Variants in SNX24 observed in about 807,000 individuals in gnomAD.
SNX24 encodes the protein sorting nexin-24.
SNX24 carries 22 observed loss-of-function variants against 28.7 expected under a neutral mutation model. The observed-to-expected ratio is 0.77, with a 90% CI of 0.55 to 1.10. The LOEUF (loss-of-function observed/expected upper bound fraction) is 1.10. Ranked by LOEUF, SNX24 falls within the 50% of genes least tolerant of loss-of-function variation. The pLI, the probability that SNX24 is intolerant of heterozygous loss-of-function variation, is 0.00. For synonymous variants in SNX24, 69 were observed against 71.5 expected (o/e 0.96, Z 0.18); for missense variants, 221 against 201.1 (o/e 1.10, Z -0.60).
intron 1 of SNX24, among the ~76,000 whole-genome samples, chr5:122,898,856 A>T (rs1352149816): frequency 6.6e-6 from 1 of 152,200 alleles, no homozygotes; most frequent in East Asian, 1.9e-4. Context: ...ATGGCTTCTT[A>T]TTCCTAAGCC....
rs188790685 is a variant in SNX24, at chr5:122,872,194, A to C, written c.60+26501A>C. Among the ~76,000 whole-genome samples, 48 of 151,556 alleles carry C rather than the reference A, an allele frequency of 3.2e-4. No homozygotes were observed. The East Asian group carries it at 7.3e-3, about 23-fold the overall frequency. ...CACTGCTTTAAGTTTTTATAAAAGC[A>C]GTATATCAAAAGATCCCTGCAGCGC... is the stretch of plus-strand genomic sequence containing the variant. On this transcript the variant is annotated intron_variant, in intron 1 of 6. Transcript: ENST00000261369.
chr5:122,862,440 C>A (rs1213287153), intron 1 of SNX24, among the ~76,000 whole-genome samples: 1 of 151,708 alleles, frequency 6.6e-6, no homozygotes, highest in African/African-American at 2.4e-5. Context: ...AAGGTGAAAC[C>A]CCGTCTCTCC....
At chr5:122,993,617 A>T (rs1171031585) in intron 3 of SNX24, among the ~76,000 whole-genome samples, 1 of 152,058 alleles carries the variant, frequency 6.6e-6, no homozygotes, top group African/African-American at 2.4e-5. Flanking sequence ...TGCCTTTTTA[A>T]AAGTGTTCCT....
intron 5 of SNX24, chr5:123,025,635 C>A: frequency 1.3e-6 from 1 of 772,924 alleles, no homozygotes. Context: ...ATTAAAATGC[C>A]ATACCATATA....
chr5:122,994,525 A>G (rs1267661502), intron 3 of SNX24, among the ~76,000 whole-genome samples: 5 of 152,256 alleles, frequency 3.3e-5, no homozygotes, highest in Admixed American at 1.3e-4. Flanking sequence ...AACATGTGCA[A>G]CTAATCAATG....
chr5:122,864,485 A>G (rs888791474), intron 1 of SNX24, among the ~76,000 whole-genome samples: 1 of 152,256 alleles, frequency 6.6e-6, no homozygotes, highest in Non-Finnish European at 1.5e-5. Flanking sequence ...CCTGCTGTGC[A>G]GGAAACTAGA....
intron 5 of SNX24, among the ~76,000 whole-genome samples, chr5:123,018,347 A>T (rs1762715207): frequency 1.3e-5 from 2 of 152,108 alleles, no homozygotes. Context: ...GAGGCACCGG[A>T]AGCAGGCTTG....
chr5:123,029,027 GC>G (rs1762904950), intron 5 of SNX24: 3 of 830,046 alleles, frequency 3.6e-6, no homozygotes, highest in Non-Finnish European at 5.5e-6. Flanking sequence ...TTTATCATTA[GC>G]TGACCAAAAA....
chr5:122,981,669 TTTTG>T (rs71623279), intron 3 of SNX24, among the ~76,000 whole-genome samples: 35,812 of 151,988 alleles, frequency 0.24, 5,082 homozygotes, highest in Non-Finnish European at 0.33. Context: ...TTTGTTTTGT[TTTTG>T]TTTGTTTGTT....
At chr5:122,921,987 C>T (rs1039610344) in intron 1 of SNX24, among the ~76,000 whole-genome samples, 1 of 152,066 alleles carries the variant, frequency 6.6e-6, no homozygotes, top group African/African-American at 2.4e-5. Flanking sequence ...CTTTTTCTCT[C>T]TCTCTCTTTA....
rs538257722 is a variant in SNX24 at position 122,945,954 on chromosome 5, C to T, written c.145-101C>T. On this transcript the variant is annotated intron_variant, in intron 2 of 6. Coordinates refer to ENST00000261369, the MANE Select transcript of SNX24 (RefSeq NM_014035.4). The stretch of plus-strand genomic sequence containing the variant: ...TTTTTTATTGCAGATAGCAGTAGTT[C>T]ACTTTCTTTTATTGGCCTTTTTTCC... The T allele has an allele frequency of 2.8e-4, 169 of 595,474 alleles. No individual in the cohort carries two copies. The South Asian group carries it at 4.1e-3, about 14-fold the overall frequency. The allele number at this position is 595,474 out of a possible 1,614,324, so 36.9% of individuals were successfully genotyped here. A position where few individuals can be genotyped will look rare whatever the true frequency, so the allele number is the denominator to read the frequency against.
intron 3 of SNX24, among the ~76,000 whole-genome samples, chr5:122,967,620 C>T (rs1016344985): frequency 1.3e-5 from 2 of 152,172 alleles, no homozygotes; most frequent in Middle Eastern, 3.2e-3. Context: ...AGACCGATAA[C>T]AGTACTTTCA....
Position 122,889,651 on chromosome 5 carries a change from GTATATATATGTGTA to G in SNX24, c.60+43980_60+43993del, listed in dbSNP as rs1167232685. Among the ~76,000 whole-genome samples the G allele has an allele frequency of 5.5e-4, 77 of 141,024 alleles. No homozygotes were observed. In the South Asian group the frequency reaches 6.0e-3, roughly 11 times the overall value. The allele number at this position is 141,024 out of a possible 152,430, so 92.5% of individuals were successfully genotyped here. On this transcript the variant is annotated intron_variant, in intron 1 of 6. Transcript: ENST00000261369. ...CATATATATATATACACATACATATGTATATATATGTGTATATATATATGTGTATATATATGTAT... is the reference window on the plus strand; with the variant it reads ...CATATATATATATACACATACATATGTATATATATGTGTATATATATGTAT...
Position 122,922,314 on chromosome 5 carries a change from G to A in SNX24, c.61-14420G>A, listed in dbSNP as rs181124725. Reference sequence around the variant, plus strand: ...GTCACCCAGGCTGGAGTGCAATGGTGCAATCTCAGCTCACTGCAACTTCTG... The same window carrying A: ...GTCACCCAGGCTGGAGTGCAATGGTACAATCTCAGCTCACTGCAACTTCTG... On this transcript the variant is annotated intron_variant, in intron 1 of 6. Transcript: ENST00000261369. 3.4e-3 allele frequency among the ~76,000 whole-genome samples: 512 copies of A among 152,194 alleles called. 4 individuals carry two copies. Among genetic ancestry groups the A allele is most frequent in the African/African-American group, 0.012 (488 of 41,514 alleles).
At chr5:122,881,732 A>G (rs1000778523) in intron 1 of SNX24, among the ~76,000 whole-genome samples, 1 of 149,708 alleles carries the variant, frequency 6.7e-6, no homozygotes, top group Non-Finnish European at 1.5e-5. Context: ...ATAATTAGGT[A>G]TACATATATA....
chr5:122,895,256 T>C (rs1263406536), intron 1 of SNX24, among the ~76,000 whole-genome samples: 1 of 152,024 alleles, frequency 6.6e-6, no homozygotes, highest in African/African-American at 2.4e-5. Flanking sequence ...AAAATAAACT[T>C]AGGGGATAGG....
At chr5:122,976,409 G>A (rs1561683706) in intron 3 of SNX24, among the ~76,000 whole-genome samples, 1 of 151,910 alleles carries the variant, frequency 6.6e-6, no homozygotes, top group Non-Finnish European at 1.5e-5. Flanking sequence ...ACAACTTTCT[G>A]TTGTTATTCT....
intron 1 of SNX24, among the ~76,000 whole-genome samples, chr5:122,935,090 AGGT>A (rs1759125381): frequency 6.6e-6 from 1 of 152,204 alleles, no homozygotes. Context: ...GTGCCAGTTA[AGGT>A]GGTGGTTTTG....
chr5:122,973,862 C>T (rs1761056833), intron 3 of SNX24, among the ~76,000 whole-genome samples: 1 of 152,160 alleles, frequency 6.6e-6, no homozygotes, highest in African/African-American at 2.4e-5. Flanking sequence ...TCTTAGAGGC[C>T]TTTGCTGTAA....
Sources: gnomAD v4.1 joint callset for allele counts (sites outside exome capture counted in the v4.1 genomes callset) on GRCh38, gnomAD v4.1.1 for gene constraint, MANE v1.5 for transcripts, NCBI Gene and HGNC (gene_info 2026-07-23, HGNC 2026-07-21) for gene names.